DOCK10: variants seen among roughly 807,000 people sequenced by gnomAD.
DOCK10 encodes dedicator of cytokinesis protein 10.
DOCK10 carries 145 observed loss-of-function variants against 280.1 expected under a neutral mutation model. The observed-to-expected ratio is 0.52, with a 90% CI of 0.45 to 0.59. The LOEUF (loss-of-function observed/expected upper bound fraction) is 0.59, where lower values mean the gene tolerates loss of function less well. DOCK10 is among the 20% of genes least tolerant of loss of function. DOCK10 has a pLI of 0.00. For synonymous variants in DOCK10, 915 were observed against 942.2 expected (o/e 0.97, Z 0.53); for missense variants, 2,368 against 2,651.7 (o/e 0.89, Z 2.35).
At chr2:224,793,286 C>T (rs1346030096) in intron 46 of DOCK10, 114 bp downstream of exon 46, 2 of 894,224 alleles carry the variant, frequency 2.2e-6, no homozygotes, top group Non-Finnish European at 1.7e-6. Context: ...TCTGTGAAAG[C>T]GATTATTACT....
intron 27 of DOCK10, among the ~76,000 whole-genome samples, chr2:224,825,774 G>A (rs980734877): frequency 2.0e-5 from 3 of 152,182 alleles, no homozygotes. Flanking sequence ...CGAGGTGGAA[G>A]AATTCCTGCA....
At chr2:224,892,397 C>CAAAAAAAAAAAAAAAAAA (rs1174651393) in intron 4 of DOCK10, among the ~76,000 whole-genome samples, 6 of 52,232 alleles carry the variant, frequency 1.1e-4, no homozygotes, top group Non-Finnish European at 1.6e-4. Context: ...GACCCTGTCT[C>CAAAAAAAAAAAAAAAAAA]AAAAAAAAAA....
chr2:224,899,479 A>G (rs981954629), intron 3 of DOCK10, among the ~76,000 whole-genome samples: 2 of 152,216 alleles, frequency 1.3e-5, no homozygotes, highest in African/African-American at 2.4e-5. Context: ...TGATCAATAA[A>G]CTAAAAACTA....
chr2:224,843,026 G>C (rs1429130213), intron 22 of DOCK10, among the ~76,000 whole-genome samples: 2 of 152,138 alleles, frequency 1.3e-5, no homozygotes, highest in African/African-American at 4.8e-5. Context: ...GGGGAAGGGG[G>C]GTATCCACCC....
intron 31 of DOCK10, among the ~76,000 whole-genome samples, chr2:224,809,879 G>T (rs56288620): frequency 0.024 from 3,626 of 149,552 alleles, 66 homozygotes; most frequent in Middle Eastern, 0.046. Flanking sequence ...ATGTTGAAGA[G>T]ATACATTGCA....
intron 1 of DOCK10, among the ~76,000 whole-genome samples, chr2:224,986,920 G>T (rs1221618063): frequency 3.3e-5 from 5 of 152,090 alleles, no homozygotes; most frequent in African/African-American, 1.2e-4. Flanking sequence ...TCGGAGAAAG[G>T]CTCTTAATTC....
chr2:225,033,325 G>A (rs550611130), intron 1 of DOCK10, among the ~76,000 whole-genome samples: 1 of 152,088 alleles, frequency 6.6e-6, no homozygotes, highest in East Asian at 1.9e-4. Context: ...TGGGACTACA[G>A]GTGCATGCCA....
intron 31 of DOCK10, among the ~76,000 whole-genome samples, chr2:224,808,641 G>GA (rs1693560845): frequency 6.6e-6 from 1 of 152,108 alleles, no homozygotes; most frequent in Non-Finnish European, 1.5e-5. Flanking sequence ...AATGGTGAGA[G>GA]AATTAGGCTT....
chr2:225,002,516 C>T (rs923596401), intron 1 of DOCK10, among the ~76,000 whole-genome samples: 1 of 152,170 alleles, frequency 6.6e-6, no homozygotes, highest in Non-Finnish European at 1.5e-5. Context: ...ATTTCTTTGG[C>T]CTCAGTAGTT....
chr2:224,834,509 G>A (rs1358700135), intron 25 of DOCK10, among the ~76,000 whole-genome samples: 1 of 152,148 alleles, frequency 6.6e-6, no homozygotes, highest in Non-Finnish European at 1.5e-5. Flanking sequence ...AAGAGCCAGA[G>A]AGCCATTTAG....
At chr2:224,818,872 G>A (rs922138320) in intron 29 of DOCK10, among the ~76,000 whole-genome samples, 3 of 152,116 alleles carry the variant, frequency 2.0e-5, no homozygotes, top group African/African-American at 4.8e-5. Flanking sequence ...TCCAGTCTTA[G>A]TTCCCTCCAG....
intron 27 of DOCK10, among the ~76,000 whole-genome samples, chr2:224,824,197 C>A (rs576343212): frequency 3.9e-4 from 59 of 152,152 alleles, no homozygotes; most frequent in African/African-American, 1.4e-3. Context: ...TGGTGAGTCC[C>A]AGCTAGTTTT....
intron 48 of DOCK10, among the ~76,000 whole-genome samples, chr2:224,788,574 A>G (rs886921607): frequency 2.0e-5 from 3 of 152,156 alleles, no homozygotes; most frequent in Non-Finnish European, 4.4e-5. Flanking sequence ...TATTTTACTT[A>G]ATGAGAGGAG....
At chr2:224,930,007 C>T (rs1206151188) in intron 2 of DOCK10, among the ~76,000 whole-genome samples, 2 of 151,948 alleles carry the variant, frequency 1.3e-5, no homozygotes, top group Non-Finnish European at 1.5e-5. Context: ...TCAAGACCAG[C>T]ATGGCCAACA....
At chr2:225,033,856 C>G (rs1690151580) in intron 1 of DOCK10, among the ~76,000 whole-genome samples, 1 of 152,230 alleles carries the variant, frequency 6.6e-6, no homozygotes, top group South Asian at 2.1e-4. Context: ...TCATGCTTAT[C>G]TTGCCAGAAA....
At chr2:224,961,468 T>C (rs924224152) in intron 1 of DOCK10, among the ~76,000 whole-genome samples, 4 of 66,618 alleles carry the variant, frequency 6.0e-5, no homozygotes, top group African/African-American at 2.8e-4. Context: ...CTTTCTTTCT[T>C]TTTCTTTCTT....
In DOCK10 at chr2:224,845,241, G is replaced by A. The variant is rs1696260234; in HGVS notation, c.2443C>T (p.Pro815Ser). 1.3e-6 allele frequency: 2 copies of A among 1,583,472 alleles called. No individual in the cohort carries two copies. The highest frequency in any genetic ancestry group is 1.7e-6 in the Non-Finnish European group (2 of 1,163,098). The change falls in exon 21 of 56, where the codon CCT becomes TCT. Residue 815 changes from proline to serine, a missense_variant. Pro to Ser is a moderately conservative substitution (Grantham distance 74). Transcript: ENST00000258390. ...YNIPIATSLP[P>S]NYLSFQDSAS... is the part of the protein sequence containing the mutation. ...GAATCTTGAAAGCTTAAATAATTAG[G>A]AGGCAGACTTGTTGCTATTGGGATG...
intron 26 of DOCK10, 72 bp downstream of exon 26, chr2:224,834,078 C>T: frequency 1.2e-6 from 1 of 863,468 alleles, no homozygotes; most frequent in Non-Finnish European, 1.9e-6. Context: ...TCCATGACTC[C>T]TATCATTTTC....
intron 39 of DOCK10, among the ~76,000 whole-genome samples, chr2:224,802,539 G>A (rs1693083697): frequency 6.6e-6 from 1 of 152,088 alleles, no homozygotes; most frequent in African/African-American, 2.4e-5. Context: ...TGTCCACAGG[G>A]GGCTGACATG....
Sources: gnomAD v4.1 joint callset for allele counts (sites outside exome capture counted in the v4.1 genomes callset) on GRCh38, gnomAD v4.1.1 for gene constraint, MANE v1.5 for transcripts, NCBI Gene and HGNC (gene_info 2026-07-23, HGNC 2026-07-21) for gene names.